The following SRBD1 variants were observed in gnomAD, a reference collection of about 807,000 sequenced individuals.
SRBD1 encodes S1 RNA binding domain 1.
A neutral mutation model predicts 115.3 loss-of-function variants in SRBD1; 88 were observed. The observed-to-expected ratio is 0.76, with a 90% CI of 0.64 to 0.91. The LOEUF is 0.91. SRBD1 is among the 40% of genes least tolerant of loss of function. The pLI is 0.00. For synonymous variants in SRBD1, 509 were observed against 407.7 expected (o/e 1.25, Z -2.99); for missense variants, 1,385 against 1,177.4 (o/e 1.18, Z -2.58).
At chr2:45,602,808 C>T (rs1207802834) in intron 2 of SRBD1, among the ~76,000 whole-genome samples, 1 of 152,112 alleles carries the variant, frequency 6.6e-6, no homozygotes, top group Non-Finnish European at 1.5e-5. Context: ...GTGAGACTTC[C>T]TTTACTGAGA....
chr2:45,400,643 T>A (rs1667267628), intron 19 of SRBD1, among the ~76,000 whole-genome samples: 1 of 152,040 alleles, frequency 6.6e-6, no homozygotes, highest in South Asian at 2.1e-4. Context: ...CCATTTCTTT[T>A]ATGGCTTAGC....
chr2:45,453,270 A>T (rs988569623), intron 16 of SRBD1, among the ~76,000 whole-genome samples: 2 of 147,910 alleles, frequency 1.4e-5, no homozygotes, highest in Non-Finnish European at 3.0e-5. Flanking sequence ...GCTATAAGGA[A>T]AAAAAAAAAA....
At chr2:45,401,759 T>C (rs1009840775) in intron 19 of SRBD1, among the ~76,000 whole-genome samples, 3 of 152,132 alleles carry the variant, frequency 2.0e-5, no homozygotes, top group Non-Finnish European at 2.9e-5. Context: ...GTAAGAAAAA[T>C]TGCAAATTAC....
chr2:45,507,980 C>G (rs1401317349), intron 14 of SRBD1, among the ~76,000 whole-genome samples: 1 of 152,024 alleles, frequency 6.6e-6, no homozygotes, highest in East Asian at 1.9e-4. Context: ...CTAATCTTAC[C>G]TAAAAGGAAT....
At chr2:45,498,508 A>C (rs892667441) in intron 14 of SRBD1, among the ~76,000 whole-genome samples, 3 of 152,150 alleles carry the variant, frequency 2.0e-5, no homozygotes, top group African/African-American at 7.2e-5. Context: ...TATAAGTGGG[A>C]TATCTGTCAC....
At chr2:45,459,978 G>T (rs1395438642) in intron 16 of SRBD1, among the ~76,000 whole-genome samples, 1 of 152,302 alleles carries the variant, frequency 6.6e-6, no homozygotes, top group Non-Finnish European at 1.5e-5. Flanking sequence ...CAACGGCAAG[G>T]ATGGGCATAG....
chr2:45,429,417 C>T (rs948200958), intron 16 of SRBD1, among the ~76,000 whole-genome samples: 6 of 152,148 alleles, frequency 3.9e-5, no homozygotes, highest in Middle Eastern at 6.8e-3. Context: ...CAAACTGATT[C>T]CAACAGTACA....
intron 16 of SRBD1, among the ~76,000 whole-genome samples, chr2:45,449,706 T>C (rs1668934901): frequency 6.6e-6 from 1 of 152,174 alleles, no homozygotes; most frequent in South Asian, 2.1e-4. Flanking sequence ...TACACCAACA[T>C]TCTCAGAGGG....
intron 14 of SRBD1, among the ~76,000 whole-genome samples, chr2:45,541,780 T>C (rs950741856): frequency 3.9e-5 from 6 of 152,214 alleles, no homozygotes; most frequent in African/African-American, 1.4e-4. Context: ...AGACCCAAAG[T>C]GGGTGGCTCC....
intron 16 of SRBD1, among the ~76,000 whole-genome samples, chr2:45,438,560 AG>A (rs1668568951): frequency 6.6e-6 from 1 of 152,228 alleles, no homozygotes; most frequent in Non-Finnish European, 1.5e-5. Context: ...CAAAGAATAA[AG>A]AAATACAGCA....
At chr2:45,460,271 A>G (rs1348552732) in intron 16 of SRBD1, among the ~76,000 whole-genome samples, 2 of 152,130 alleles carry the variant, frequency 1.3e-5, no homozygotes, top group African/African-American at 4.8e-5. Flanking sequence ...TTGTATTTTG[A>G]AAAACTAAAA....
chr2:45,585,511 A>C, intron 5 of SRBD1, 97 bp downstream of exon 5: 1 of 1,333,694 alleles, frequency 7.5e-7, no homozygotes, highest in Non-Finnish European at 1.0e-6. Flanking sequence ...AGGAAACAAA[A>C]TGTTGAAATT....
intron 16 of SRBD1, among the ~76,000 whole-genome samples, chr2:45,440,412 C>G (rs781129744): frequency 5.3e-5 from 8 of 152,156 alleles, no homozygotes; most frequent in African/African-American, 9.7e-5. Flanking sequence ...TCCTAAATGT[C>G]TGCCTTGCCC....
intron 7 of SRBD1, among the ~76,000 whole-genome samples, chr2:45,576,482 T>C (rs1016553215): frequency 6.6e-6 from 1 of 152,200 alleles, no homozygotes; most frequent in African/African-American, 2.4e-5. Flanking sequence ...AACGGTCAAT[T>C]ACATTTTAAA....
chr2:45,522,464 C>A (rs58622556), intron 14 of SRBD1, among the ~76,000 whole-genome samples: 18,612 of 152,208 alleles, frequency 0.12, 1,206 homozygotes, highest in East Asian at 0.19. Flanking sequence ...GGGCATGAGC[C>A]ATGCATGGTG....
intron 16 of SRBD1, among the ~76,000 whole-genome samples, chr2:45,452,812 C>T (rs780501834): frequency 1.3e-5 from 2 of 151,782 alleles, no homozygotes; most frequent in South Asian, 2.1e-4. Flanking sequence ...AAGTTGGTTA[C>T]CAGTTGTCAC....
chr2:45,413,599 G>C (rs956128465), intron 18 of SRBD1, among the ~76,000 whole-genome samples: 1 of 152,036 alleles, frequency 6.6e-6, no homozygotes, highest in Non-Finnish European at 1.5e-5. Context: ...GCTCTCAAAA[G>C]AATCTATTGA....
At chr2:45,429,709 C>T (rs896851247) in intron 16 of SRBD1, among the ~76,000 whole-genome samples, 3 of 152,182 alleles carry the variant, frequency 2.0e-5, no homozygotes, top group Admixed American at 6.5e-5. Context: ...AACCTGGAAA[C>T]GTTCCCTTTG....
intron 7 of SRBD1, among the ~76,000 whole-genome samples, chr2:45,578,781 C>T (rs1331118086): frequency 1.3e-5 from 2 of 152,118 alleles, no homozygotes; most frequent in African/African-American, 4.8e-5. Context: ...TAACATACAA[C>T]ACGGGGGCTA....
Sources: allele counts gnomAD v4.1 joint callset (sites outside exome capture counted in the v4.1 genomes callset), GRCh38; gene constraint gnomAD v4.1.1; transcripts MANE v1.5; gene names NCBI Gene and HGNC (gene_info 2026-07-23, HGNC 2026-07-21).